The following LRRIQ3 variants were observed in gnomAD, a reference collection of about 807,000 sequenced individuals.
LRRIQ3 encodes leucine rich repeats and IQ motif containing 3.
Under a neutral mutation model 59.3 loss-of-function variants are expected in LRRIQ3, and 75 were observed. The ratio of observed to expected loss-of-function variants is 1.26; its 90% CI spans 1.05 to 1.53. LRRIQ3 has a LOEUF of 1.53. Among genes scored for constraint, LRRIQ3 ranks in the 40% most tolerant of loss-of-function variants. The pLI is 0.00. For synonymous variants in LRRIQ3, 250 were observed against 231.3 expected (o/e 1.08, Z -0.73); for missense variants, 831 against 710.0 (o/e 1.17, Z -1.94).
intron 7 of LRRIQ3, 85 bp from the exon 8 acceptor site, chr1:74,027,054 T>A: frequency 1.1e-6 from 1 of 909,332 alleles, no homozygotes; most frequent in South Asian, 2.1e-5. Flanking sequence ...ATGATAATAA[T>A]TAGATGTCTT....
chr1:74,068,314 T>G (rs538643939), intron 6 of LRRIQ3, among the ~76,000 whole-genome samples: 1 of 152,182 alleles, frequency 6.6e-6, no homozygotes. Flanking sequence ...TCAATGTGGG[T>G]CAGGAGGACC....
At chr1:74,029,637 A>G (rs1271709407) in intron 7 of LRRIQ3, among the ~76,000 whole-genome samples, 1 of 152,060 alleles carries the variant, frequency 6.6e-6, no homozygotes, top group East Asian at 1.9e-4. Context: ...GATGTTCACC[A>G]GGGATATTGG....
intron 6 of LRRIQ3, among the ~76,000 whole-genome samples, chr1:74,073,366 G>A: frequency 6.6e-6 from 1 of 151,982 alleles, no homozygotes; most frequent in Non-Finnish European, 1.5e-5. Flanking sequence ...CCAAAAGATA[G>A]CTGTGCATGG....
intron 6 of LRRIQ3, among the ~76,000 whole-genome samples, chr1:74,073,929 C>T (rs958301388): frequency 3.3e-5 from 5 of 151,962 alleles, no homozygotes; most frequent in Admixed American, 6.6e-5. Context: ...AAAACAAAAT[C>T]AAGATCACAT....
intron 6 of LRRIQ3, among the ~76,000 whole-genome samples, chr1:74,053,187 A>AC (rs988078823): frequency 2.0e-5 from 3 of 151,624 alleles, no homozygotes; most frequent in Non-Finnish European, 4.4e-5. Context: ...CAAAAAAAAA[A>AC]AAAAAAACAA....
In LRRIQ3 at chr1:74,155,782, A is replaced by G. The variant is rs374358600; in HGVS notation, c.658T>C (p.Leu220=). 77 of 1,584,432 alleles carry G rather than the reference A, an allele frequency of 4.9e-5. No individual in the cohort carries two copies. The highest frequency in any genetic ancestry group is 6.3e-5 in the Non-Finnish European group (74 of 1,169,214). Residue 220 remains leucine, a synonymous_variant, in exon 4 of 8, where the codon TTG becomes CTG. Coordinates refer to ENST00000354431, the MANE Select transcript of LRRIQ3 (RefSeq NM_001105659.2). ...CCACGTATCCATCTTTGAACAATCAAAACTGGTGAATTATGAGCCAGAATT... is the reference window on the plus strand; with the variant it reads ...CCACGTATCCATCTTTGAACAATCAGAACTGGTGAATTATGAGCCAGAATT... ...NAILAHNSPV[L]IVQRWIRGFL...
At chr1:74,187,996 T>C (rs999474044) in intron 1 of LRRIQ3, among the ~76,000 whole-genome samples, 1 of 152,092 alleles carries the variant, frequency 6.6e-6, no homozygotes, top group Admixed American at 6.5e-5. Flanking sequence ...CTATTCACAA[T>C]AGCAAACACA....
intron 5 of LRRIQ3, among the ~76,000 whole-genome samples, chr1:74,105,800 G>GA (rs1384677026): frequency 6.6e-6 from 1 of 151,898 alleles, no homozygotes; most frequent in Non-Finnish European, 1.5e-5. Context: ...TTATTTATAG[G>GA]AAAAATTAAT....
intron 6 of LRRIQ3, among the ~76,000 whole-genome samples, chr1:74,047,321 T>G (rs1291485257): frequency 6.6e-6 from 1 of 152,100 alleles, no homozygotes; most frequent in Non-Finnish European, 1.5e-5. Flanking sequence ...AAACCATCAT[T>G]CTCAGCAAAC....
At chr1:74,143,187 G>A (rs1193539689) in intron 4 of LRRIQ3, among the ~76,000 whole-genome samples, 2 of 151,840 alleles carry the variant, frequency 1.3e-5, no homozygotes, top group South Asian at 2.1e-4. Context: ...CTTCAGCAGA[G>A]TCATTATTCA....
chr1:74,027,343 G>C (rs914124749), intron 7 of LRRIQ3, among the ~76,000 whole-genome samples: 4 of 152,048 alleles, frequency 2.6e-5, no homozygotes, highest in African/African-American at 4.8e-5. Flanking sequence ...CTAACTCCCA[G>C]TGTCTTTGAA....
At chr1:74,183,230 G>C in intron 2 of LRRIQ3, 1 of 389,402 alleles carries the variant, frequency 2.6e-6, no homozygotes, top group Non-Finnish European at 4.5e-6. Context: ...AAACATACCA[G>C]ATTACACACT....
At chr1:74,059,412 T>C (rs956555923) in intron 6 of LRRIQ3, among the ~76,000 whole-genome samples, 1 of 151,876 alleles carries the variant, frequency 6.6e-6, no homozygotes, top group Non-Finnish European at 1.5e-5. Flanking sequence ...AAGTTAATTT[T>C]TGTACATGGT....
Position 74,041,869 on chromosome 1 carries a change from GA to G in LRRIQ3, c.1061del (p.Phe354SerfsTer11), listed in dbSNP as rs778570311. ...KLDTSFRISV[F>X]KLPIYTSGSL... ...AACCTGAAGTGTATATGGGTAGTTT[GA>G]AAACTGATATCCTAAAACTGGTATC... is the stretch of plus-strand genomic sequence containing the variant. On this transcript the variant is annotated frameshift_variant, in exon 7 of 8. Coordinates refer to ENST00000354431, the MANE Select transcript of LRRIQ3 (RefSeq NM_001105659.2). LOFTEE classifies it high-confidence loss of function. 16 of 1,611,450 alleles carry G rather than the reference GA, an allele frequency of 9.9e-6. No homozygotes were observed. Among genetic ancestry groups the G allele is most frequent in the Non-Finnish European group, 1.4e-5 (16 of 1,178,874 alleles).
At chr1:74,155,662 ATTGAC>A (rs1276546193) in intron 4 of LRRIQ3, 66 bp downstream of exon 4, 2 of 1,404,554 alleles carry the variant, frequency 1.4e-6, no homozygotes, top group East Asian at 5.1e-5. Context: ...TTATTGGAGA[ATTGAC>A]TTCTTATCAT....
chr1:74,047,827 C>G (rs1006154041), intron 6 of LRRIQ3, among the ~76,000 whole-genome samples: 1 of 152,034 alleles, frequency 6.6e-6, no homozygotes, highest in African/African-American at 2.4e-5. Context: ...GAGCCCCAAC[C>G]CCCAGTGTGG....
At chr1:74,051,534 T>C (rs1654369579) in intron 6 of LRRIQ3, among the ~76,000 whole-genome samples, 1 of 152,160 alleles carries the variant, frequency 6.6e-6, no homozygotes, top group African/African-American at 2.4e-5. Context: ...TACAATGTAA[T>C]TGTTTTAATA....
intron 5 of LRRIQ3, chr1:74,109,099 A>C (rs1029937191): frequency 5.1e-6 from 1 of 195,750 alleles, no homozygotes; most frequent in Non-Finnish European, 1.0e-5. Context: ...GTTTTCAATC[A>C]CTGAGAAGTG....
chr1:74,074,660 C>A lies in LRRIQ3; in HGVS notation c.997+1G>T, dbSNP rs771347279. 8 of 1,314,440 alleles carry A rather than the reference C, an allele frequency of 6.1e-6. No individual in the cohort carries two copies. The highest frequency in any genetic ancestry group is 5.9e-5 in the East Asian group (2 of 33,906). The allele number at this position is 1,314,440 out of a possible 1,614,324, so 81.4% of individuals were successfully genotyped here. On this transcript the variant is annotated splice_donor_variant, in intron 6 of 7. Transcript: ENST00000354431. LOFTEE classifies it high-confidence loss of function. Reference sequence around the variant, plus strand: ...TATAATTAAAAATTCATATAACTAACCTTTTTGAATGAGATGTCTTGATGT... The same window carrying A: ...TATAATTAAAAATTCATATAACTAAACTTTTTGAATGAGATGTCTTGATGT...
Sources: allele counts gnomAD v4.1 joint callset (sites outside exome capture counted in the v4.1 genomes callset), GRCh38; gene constraint gnomAD v4.1.1; transcripts MANE v1.5; gene names NCBI Gene and HGNC (gene_info 2026-07-23, HGNC 2026-07-21).